The following LINGO2 variants were observed in gnomAD, a reference collection of about 807,000 sequenced individuals.
LINGO2 encodes leucine-rich repeat and immunoglobulin-like domain-containing nogo receptor-interacting protein 2.
A neutral mutation model predicts 30.6 loss-of-function variants in LINGO2; 14 were observed. The ratio of observed to expected loss-of-function variants is 0.46; its 90% CI spans 0.30 to 0.72. The LOEUF is 0.72. LINGO2 is among the 30% of genes least tolerant of loss of function. The pLI is 0.07. For synonymous variants in LINGO2, 317 were observed against 288.5 expected, an observed-to-expected ratio of 1.10 and a Z score of -1.00; for missense variants, 729 against 751.7, an observed-to-expected ratio of 0.97 and a Z score of 0.35.
At chr9:28,431,046 G>GAGAC (rs1823653732) in intron 2 of LINGO2, among the ~76,000 whole-genome samples, 1 of 77,550 alleles carries the variant, frequency 1.3e-5, no homozygotes, top group African/African-American at 3.2e-5. Context: ...GAGAGAGAGA[G>GAGAC]AGAGAGAGAG....
chr9:28,092,717 T>TA (rs1055257545), intron 4 of LINGO2, among the ~76,000 whole-genome samples: 1 of 151,202 alleles, frequency 6.6e-6, no homozygotes, highest in Non-Finnish European at 1.5e-5. Flanking sequence ...AAAGTAATAA[T>TA]AAAAAAAGTA....
the LINGO2 span, among the ~76,000 whole-genome samples, chr9:29,015,441 T>C: frequency 6.6e-6 from 1 of 152,186 alleles, no homozygotes; most frequent in East Asian, 1.9e-4. Flanking sequence ...TTAAGCTTAA[T>C]AGATCATAGG....
chr9:28,197,580 G>T (rs538681019), intron 4 of LINGO2, among the ~76,000 whole-genome samples: 13 of 151,998 alleles, frequency 8.6e-5, no homozygotes, highest in Admixed American at 7.9e-4. Context: ...ATGGGTCAAA[G>T]ATTTTAACAC....
intron 3 of LINGO2, among the ~76,000 whole-genome samples, chr9:28,300,620 T>A (rs570552874): frequency 1.3e-5 from 2 of 152,256 alleles, no homozygotes; most frequent in South Asian, 4.1e-4. Context: ...CCTTCCTGCC[T>A]GCTTTCTTCT....
the LINGO2 span, among the ~76,000 whole-genome samples, chr9:28,923,737 G>T: frequency 2.0e-5 from 3 of 152,136 alleles, no homozygotes; most frequent in Non-Finnish European, 2.9e-5. Context: ...GAAAAACCTG[G>T]TCTAGTCATA....
chr9:28,508,511 T>C (rs1820242902), intron 1 of LINGO2, among the ~76,000 whole-genome samples: 1 of 152,106 alleles, frequency 6.6e-6, no homozygotes, highest in Non-Finnish European at 1.5e-5. Context: ...CTCTCATTTT[T>C]GGTTAATTTT....
At chr9:29,176,810 C>T in the LINGO2 span, among the ~76,000 whole-genome samples, 6 of 152,138 alleles carry the variant, frequency 3.9e-5, no homozygotes, top group Admixed American at 3.9e-4. Context: ...TTTACTTTTG[C>T]TTTCTGACAG....
chr9:29,193,819 T>G, the LINGO2 span, among the ~76,000 whole-genome samples: 8 of 152,224 alleles, frequency 5.3e-5, no homozygotes, highest in Non-Finnish European at 8.8e-5. Flanking sequence ...CACTCTCAGT[T>G]TGCTGAAGTC....
At chr9:28,322,326 A>C (rs1209456535) in intron 3 of LINGO2, among the ~76,000 whole-genome samples, 3 of 151,912 alleles carry the variant, frequency 2.0e-5, no homozygotes, top group African/African-American at 7.3e-5. Context: ...ATATCACACC[A>C]TTTTCATTCC....
intron 4 of LINGO2, among the ~76,000 whole-genome samples, chr9:28,209,359 T>C (rs907021732): frequency 6.6e-6 from 1 of 151,918 alleles, no homozygotes; most frequent in Non-Finnish European, 1.5e-5. Flanking sequence ...CATGCACATA[T>C]AAATTCAAGA....
intron 4 of LINGO2, among the ~76,000 whole-genome samples, chr9:28,013,287 C>T (rs2119271917): frequency 6.6e-6 from 1 of 152,164 alleles, no homozygotes; most frequent in African/African-American, 2.4e-5. Context: ...TCTTATTCAC[C>T]TTTTCCTCCT....
intron 3 of LINGO2, among the ~76,000 whole-genome samples, chr9:28,323,943 A>T (rs190063391): frequency 3.9e-5 from 6 of 152,340 alleles, no homozygotes; most frequent in Admixed American, 2.0e-4. Flanking sequence ...TTAACGAAGC[A>T]ATCCAGGAAA....
chr9:29,055,936 G>GTATATATATATATATATATATATATATC, the LINGO2 span, among the ~76,000 whole-genome samples: 1 of 121,862 alleles, frequency 8.2e-6, no homozygotes, highest in African/African-American at 3.2e-5. Flanking sequence ...GTGTATGTGT[G>GTATATATATATATATATATATATATATC]TGTGTATATA....
chr9:29,018,616 G>C, the LINGO2 span, among the ~76,000 whole-genome samples: 1 of 152,114 alleles, frequency 6.6e-6, no homozygotes, highest in African/African-American at 2.4e-5. Flanking sequence ...CCAGAAGATA[G>C]AGAGGCTTAG....
chr9:28,057,027 G>C (rs1824963407), intron 4 of LINGO2, among the ~76,000 whole-genome samples: 1 of 152,080 alleles, frequency 6.6e-6, no homozygotes, highest in South Asian at 2.1e-4. Context: ...TAACTAAAGA[G>C]TACCAAGAAA....
chr9:28,973,862 C>G, the LINGO2 span, among the ~76,000 whole-genome samples: 3 of 152,232 alleles, frequency 2.0e-5, no homozygotes, highest in East Asian at 5.8e-4. Context: ...GGGATTTCAT[C>G]AACATGAGAC....
intron 1 of LINGO2, among the ~76,000 whole-genome samples, chr9:28,515,577 A>C (rs1275399252): frequency 6.6e-6 from 1 of 152,210 alleles, no homozygotes; most frequent in East Asian, 1.9e-4. Context: ...CGTAGTGGAA[A>C]TACCAAGAGA....
intron 1 of LINGO2, among the ~76,000 whole-genome samples, chr9:28,521,400 A>G (rs1399577706): frequency 6.6e-6 from 1 of 152,156 alleles, no homozygotes; most frequent in East Asian, 1.9e-4. Flanking sequence ...TTACAATGCC[A>G]AACCTAGAAA....
rs187406334 is a variant in LINGO2 at position 28,570,035 on chromosome 9, T to G, written c.-364-94010A>C. 4.5e-3 allele frequency among the ~76,000 whole-genome samples: 678 copies of G among 152,004 alleles called. 9 individuals carry two copies. The highest frequency in any genetic ancestry group is 0.016 in the African/African-American group (655 of 41,540). ...AATAGAAAACAGCAGTGATAGTTAA[T>G]AAACTGACGGGAAGGGTGAAGATTA... On this transcript the variant is annotated intron_variant, in intron 1 of 5. Transcript: ENST00000379992.
Sources: allele counts gnomAD v4.1 joint callset (sites outside exome capture counted in the v4.1 genomes callset), GRCh38; gene constraint gnomAD v4.1.1; transcripts MANE v1.5; gene names NCBI Gene and HGNC (gene_info 2026-07-23, HGNC 2026-07-21).